The following ERBB4 variants were observed in gnomAD, a reference collection of about 807,000 sequenced individuals.
ERBB4 encodes the protein receptor tyrosine-protein kinase erbB-4.
ERBB4 carries 42 observed loss-of-function variants against 158.0 expected under a neutral mutation model. The observed-to-expected ratio is 0.27, with a 90% CI of 0.21 to 0.34. The LOEUF (loss-of-function observed/expected upper bound fraction) is 0.34. Ranked by LOEUF, ERBB4 falls within the 10% of genes least tolerant of loss-of-function variation. ERBB4 has a pLI of 1.00. For missense variants in ERBB4, 1,333 were observed against 1,624.1 expected (o/e 0.82, Z 3.08); for synonymous variants, 583 against 558.7 (o/e 1.04, Z -0.61).
At chr2:211,689,494 A>G (rs1574990236) in intron 12 of ERBB4, among the ~76,000 whole-genome samples, 1 of 152,144 alleles carries the variant, frequency 6.6e-6, no homozygotes. Flanking sequence ...GATTGCACCC[A>G]GCCAGAAATA....
chr2:212,488,172 A>G (rs552476660), intron 1 of ERBB4, among the ~76,000 whole-genome samples: 96 of 152,156 alleles, frequency 6.3e-4, no homozygotes, highest in African/African-American at 2.2e-3. Context: ...TCTCTGTGCT[A>G]TTTGACCCTT....
chr2:211,712,018 T>C (rs768391338), intron 9 of ERBB4, 32 bp downstream of exon 9: 22 of 1,589,760 alleles, frequency 1.4e-5, no homozygotes, highest in Non-Finnish European at 1.8e-5. Flanking sequence ...CTACACTTTG[T>C]AAAATAACTT....
chr2:211,612,314 T>C (rs1232073406), intron 19 of ERBB4, among the ~76,000 whole-genome samples: 3 of 152,222 alleles, frequency 2.0e-5, no homozygotes, highest in South Asian at 2.1e-4. Flanking sequence ...CTCATAGATA[T>C]GCAGTGATGG....
At chr2:212,070,424 T>G (rs979148391) in intron 2 of ERBB4, among the ~76,000 whole-genome samples, 13 of 152,046 alleles carry the variant, frequency 8.6e-5, no homozygotes, top group Non-Finnish European at 1.8e-4. Flanking sequence ...ATTTGGAGGA[T>G]TCATACTTTC....
intron 1 of ERBB4, among the ~76,000 whole-genome samples, chr2:212,470,763 AG>A (rs1479376631): frequency 7.2e-5 from 11 of 152,244 alleles, no homozygotes; most frequent in African/African-American, 7.2e-5. Context: ...TATACACTAA[AG>A]GGCTAACAAT....
At chr2:211,485,088 CAA>C (rs2065171094) in intron 20 of ERBB4, among the ~76,000 whole-genome samples, 1 of 152,146 alleles carries the variant, frequency 6.6e-6, no homozygotes, top group Non-Finnish European at 1.5e-5. Flanking sequence ...GACTGTTACA[CAA>C]AGAGAAAAAG....
intron 1 of ERBB4, among the ~76,000 whole-genome samples, chr2:212,306,657 TG>T (rs1286736468): frequency 2.0e-5 from 3 of 151,368 alleles, no homozygotes; most frequent in Admixed American, 1.3e-4. Flanking sequence ...CATGCCTGCC[TG>T]GTAAAAGCAG....
At chr2:212,512,062 C>T (rs1691551978) in intron 1 of ERBB4, among the ~76,000 whole-genome samples, 2 of 152,140 alleles carry the variant, frequency 1.3e-5, no homozygotes, top group South Asian at 2.1e-4. Context: ...CACTACTGAA[C>T]TGGCATGAGA....
chr2:212,530,208 G>C (rs1692677313), intron 1 of ERBB4, among the ~76,000 whole-genome samples: 1 of 152,130 alleles, frequency 6.6e-6, no homozygotes, highest in African/African-American at 2.4e-5. Context: ...CTAAGGACCA[G>C]ATGATGCTTA....
intron 1 of ERBB4, among the ~76,000 whole-genome samples, chr2:212,524,153 A>G (rs1267337193): frequency 6.6e-6 from 1 of 152,032 alleles, no homozygotes; most frequent in Non-Finnish European, 1.5e-5. Flanking sequence ...TTCTGTTGTA[A>G]TATGAAATTT....
intron 1 of ERBB4, among the ~76,000 whole-genome samples, chr2:212,128,688 T>A (rs2080017451): frequency 6.6e-6 from 1 of 152,222 alleles, no homozygotes; most frequent in South Asian, 2.1e-4. Flanking sequence ...TAAATTTAAC[T>A]ATTGTGCTTG....
rs1691440906 is a variant in ERBB4 at position 212,510,227 on chromosome 2, ATATAT to A, written c.82+28217_82+28221del. Among the ~76,000 whole-genome samples, 12 of 142,556 alleles carry A rather than the reference ATATAT, an allele frequency of 8.4e-5. No homozygotes were observed. The South Asian group carries it at 2.5e-3, about 29-fold the overall frequency. 93.5% of individuals were successfully genotyped at this position (142,556 alleles called of 152,430 possible). On this transcript the variant is annotated intron_variant, in intron 1 of 27. Transcript: ENST00000342788. ...ACAGTATATATATATATATATATAT[ATATAT>A]AACTACTCCCATCCAATGTATTCAT...
intron 1 of ERBB4, among the ~76,000 whole-genome samples, chr2:212,416,145 T>C (rs982973799): frequency 2.6e-5 from 4 of 152,076 alleles, no homozygotes; most frequent in African/African-American, 7.2e-5. Context: ...ACATGAGAGG[T>C]AGTTACTAAA....
chr2:212,296,094 T>C (rs6721936), intron 1 of ERBB4, among the ~76,000 whole-genome samples: 121,325 of 151,890 alleles, frequency 0.8, 50,143 homozygotes, highest in Non-Finnish European at 0.9. Context: ...TCAATCAATA[T>C]GTAATTCATT....
chr2:212,431,599 T>A (rs1312001307), intron 1 of ERBB4, among the ~76,000 whole-genome samples: 3 of 152,174 alleles, frequency 2.0e-5, no homozygotes, highest in Non-Finnish European at 2.9e-5. Context: ...TTCTTAGCAT[T>A]CCTCAATGGC....
At chr2:212,068,101 A>G (rs916628827) in intron 2 of ERBB4, among the ~76,000 whole-genome samples, 15 of 152,040 alleles carry the variant, frequency 9.9e-5, no homozygotes, top group Non-Finnish European at 1.8e-4. Context: ...AACTCTTAGT[A>G]TTATTCCCAT....
intron 5 of ERBB4, among the ~76,000 whole-genome samples, chr2:211,743,117 A>C (rs558626659): frequency 1.3e-5 from 2 of 152,322 alleles, no homozygotes; most frequent in East Asian, 3.9e-4. Flanking sequence ...GCTGTATTTC[A>C]ACTTCTACAA....
chr2:211,964,398 C>A (rs2081260464), intron 2 of ERBB4, among the ~76,000 whole-genome samples: 1 of 152,160 alleles, frequency 6.6e-6, no homozygotes, highest in Admixed American at 6.6e-5. Flanking sequence ...TAACTTTCAA[C>A]AGATGTTTTT....
chr2:212,461,031 G>A (rs947569579), intron 1 of ERBB4, among the ~76,000 whole-genome samples: 1 of 152,172 alleles, frequency 6.6e-6, no homozygotes, highest in African/African-American at 2.4e-5. Context: ...GAAGATGTAT[G>A]GAAACTCCTG....
Sources: gnomAD v4.1 joint callset for allele counts (sites outside exome capture counted in the v4.1 genomes callset) on GRCh38, gnomAD v4.1.1 for gene constraint, MANE v1.5 for transcripts, NCBI Gene and HGNC (gene_info 2026-07-23, HGNC 2026-07-21) for gene names.